The following MTG1 variants were observed in gnomAD, a reference collection of about 807,000 sequenced individuals.
MTG1 encodes mitochondrial ribosome-associated GTPase 1.
In MTG1, 30 loss-of-function variants were observed where a neutral mutation model predicts 39.5. That is an observed-to-expected ratio of 0.76 (90% confidence interval 0.57 to 1.03). MTG1 has a LOEUF of 1.03. Among genes scored for constraint, MTG1 ranks in the 50% least tolerant of loss-of-function variants. The pLI, the probability that MTG1 is intolerant of heterozygous loss-of-function variation, is 0.00. For synonymous variants in MTG1, 217 were observed against 179.0 expected (o/e 1.21, Z -1.69); for missense variants, 513 against 447.4 (o/e 1.15, Z -1.32).
chr10:133,397,779 G>GTTTTTTGTTTTTTTTTTTTT (rs1849808471), intron 3 of MTG1, among the ~76,000 whole-genome samples: 1 of 139,488 alleles, frequency 7.2e-6, no homozygotes, highest in East Asian at 2.1e-4. Context: ...CGTCCAGCCT[G>GTTTTTTGTTTTTTTTTTTTT]TTTTTTTTTT....
At position 133,420,368 on chromosome 10, in the gene MTG1, C is replaced by T. The variant is rs1350255762; in HGVS notation, c.*203C>T. 3 of 544,092 alleles carry T rather than the reference C, an allele frequency of 5.5e-6. No homozygotes were observed. The highest frequency in any genetic ancestry group is 9.3e-6 in the Non-Finnish European group (3 of 321,954). The allele number at this position is 544,092 out of a possible 1,614,324, so 33.7% of individuals were successfully genotyped here. On this transcript the variant is annotated 3_prime_UTR_variant, in exon 11 of 11. Transcript: ENST00000317502. ...AGGTGGGAGTGGACACCAGGCTTCC[C>T]AGTGGACGTCCCTGAGCAGCTCCGC...
At position 133,402,302 on chromosome 10, in the gene MTG1, C is replaced by T. The variant is rs890551229; in HGVS notation, c.670+57C>T. ...GGGACCGGGGCCCCTGCCACCCCAC[C>T]TTTAGGGCTGGCTTTGGCACAGGGC... On this transcript the variant is annotated intron_variant, in intron 8 of 10. Transcript: ENST00000317502. This position sits in a 1 kb window ranked among gnomAD's most constrained non-coding sequence, Gnocchi z 4.7. 6 of 1,600,086 alleles carry T rather than the reference C, an allele frequency of 3.7e-6. No individual in the cohort carries two copies. The African/African-American group carries it at 8.0e-5, about 21-fold the overall frequency.
At chr10:133,414,068 C>T (rs1238767991) in intron 9 of MTG1, among the ~76,000 whole-genome samples, 7 of 149,040 alleles carry the variant, frequency 4.7e-5, no homozygotes, top group African/African-American at 7.6e-5. Flanking sequence ...TGCGACCTTC[C>T]GCAGTGTTTG....
chr10:133,399,262 C>T (rs1849832215), intron 5 of MTG1, 36 bp downstream of exon 5: 6 of 1,610,172 alleles, frequency 3.7e-6, no homozygotes, highest in Middle Eastern at 1.7e-4. Context: ...GAGTGGGAGG[C>T]GGGCGTGGGA....
intron 2 of MTG1, 99 bp downstream of exon 2, chr10:133,395,876 C>T (rs1003949878): frequency 9.9e-6 from 12 of 1,213,560 alleles, no homozygotes; most frequent in Admixed American, 4.0e-5. Context: ...TGCGAGGCCC[C>T]TTTCTAGACC....
chr10:133,398,715 C>T (rs1849824770), intron 4 of MTG1, among the ~76,000 whole-genome samples, 200 bp downstream of exon 4: 1 of 152,200 alleles, frequency 6.6e-6, no homozygotes, highest in Non-Finnish European at 1.5e-5. Flanking sequence ...GCTGTAGACG[C>T]ATTCCAGGGT....
chr10:133,394,188 A>C lies in MTG1; in HGVS notation c.-33A>C. 2.2e-5 allele frequency: 33 copies of C among 1,471,450 alleles called. No homozygotes were observed. The highest frequency in any genetic ancestry group is 3.0e-5 in the Non-Finnish European group (33 of 1,099,358). 91.1% of individuals were successfully genotyped at this position (1,471,450 alleles called of 1,614,324 possible). On this transcript the variant is annotated 5_prime_UTR_variant, in exon 1 of 11. Transcript: ENST00000317502. ...GGGTCGCAGCGGCGCAGAGGAGGTCAGCTGCGGGAGCGTTTCCGGGGACGG... is the reference window on the plus strand; with the variant it reads ...GGGTCGCAGCGGCGCAGAGGAGGTCCGCTGCGGGAGCGTTTCCGGGGACGG...
chr10:133,396,058 T>C, intron 2 of MTG1, 105 bp from the exon 3 acceptor site: 1 of 1,082,100 alleles, frequency 9.2e-7, no homozygotes, highest in Non-Finnish European at 1.4e-6. Context: ...TCTCCTGTAC[T>C]TGAGGAATGA....
rs1303746987 is a variant in MTG1, at chr10:133,394,216, C to T, written c.-5C>T. The T allele has an allele frequency of 2.6e-6, 4 of 1,514,090 alleles. No individual in the cohort carries two copies. The highest frequency in any genetic ancestry group is 1.4e-5 in the African/African-American group (1 of 69,272). The allele number at this position is 1,514,090 out of a possible 1,614,324, so 93.8% of individuals were successfully genotyped here. A position where few individuals can be genotyped will look rare whatever the true frequency, so the allele number is the denominator to read the frequency against. ...TGCGGGAGCGTTTCCGGGGACGGTG[C>T]CGCCATGAGATTGACCCCGCGCGCG... On this transcript the variant is annotated 5_prime_UTR_variant, in exon 1 of 11. Coordinates refer to ENST00000317502, the MANE Select transcript of MTG1 (RefSeq NM_138384.4).
Position 133,397,758 on chromosome 10 carries a change from G to A in MTG1, c.283-677G>A, listed in dbSNP as rs11101738. On this transcript the variant is annotated intron_variant, in intron 3 of 10. Transcript: ENST00000317502. Reference sequence around the variant, plus strand: ...CTCCCAAAGTGCTGGTATTACAGGCGTGAGTCACTGCGTCCAGCCTGTTTT... The same window carrying A: ...CTCCCAAAGTGCTGGTATTACAGGCATGAGTCACTGCGTCCAGCCTGTTTT... Among the ~76,000 whole-genome samples the A allele has an allele frequency of 6.1e-3, 909 of 149,658 alleles. 5 individuals carry two copies. The highest frequency in any genetic ancestry group is 0.011 in the East Asian group (54 of 5,080).
chr10:133,400,412 G>A (rs1464454511), intron 6 of MTG1, among the ~76,000 whole-genome samples: 1 of 152,150 alleles, frequency 6.6e-6, no homozygotes, highest in Non-Finnish European at 1.5e-5. Flanking sequence ...CAGGAGCCCC[G>A]AGCACCCTTC....
chr10:133,407,571 C>CTTT (rs1159757820), intron 9 of MTG1, among the ~76,000 whole-genome samples: 8 of 140,152 alleles, frequency 5.7e-5, no homozygotes, highest in Non-Finnish European at 1.2e-4. Context: ...TTCTTGATTT[C>CTTT]TTTTTTTTTT....
In MTG1 at chr10:133,420,426, C is replaced by T; in HGVS notation, c.*261C>T. ...GTTCTCCCGGAGCTTCCTGCTCAGGCCTCTTGAGAAATGGATGCTGTCTCA... is the reference window on the plus strand; with the variant it reads ...GTTCTCCCGGAGCTTCCTGCTCAGGTCTCTTGAGAAATGGATGCTGTCTCA... On this transcript the variant is annotated 3_prime_UTR_variant, in exon 11 of 11. Coordinates refer to ENST00000317502, the MANE Select transcript of MTG1 (RefSeq NM_138384.4). 1 of 425,002 alleles carries T rather than the reference C, an allele frequency of 2.4e-6. No individual in the cohort carries two copies. Among genetic ancestry groups the T allele is most frequent in the Non-Finnish European group, 4.1e-6 (1 of 241,270 alleles). 26.3% of individuals were successfully genotyped at this position (425,002 alleles called of 1,614,324 possible).
At chr10:133,395,119 G>A (rs1005983159) in intron 1 of MTG1, among the ~76,000 whole-genome samples, 1 of 152,186 alleles carries the variant, frequency 6.6e-6, no homozygotes, top group African/African-American at 2.4e-5. Context: ...GGAAGGGCCC[G>A]GCCCGGTGGC....
At chr10:133,394,891 C>A in intron 1 of MTG1, 1 of 292,646 alleles carries the variant, frequency 3.4e-6, no homozygotes, top group African/African-American at 2.3e-5. Context: ...GTCGGCTCCG[C>A]GTGTACTGGG....
intron 1 of MTG1, among the ~76,000 whole-genome samples, chr10:133,395,146 A>G (rs1849761932): frequency 6.6e-6 from 1 of 152,124 alleles, no homozygotes; most frequent in Admixed American, 6.5e-5. Context: ...TTGTAATCCC[A>G]GTACTTTGGG....
At chr10:133,399,972 C>T (rs934949885) in intron 6 of MTG1, among the ~76,000 whole-genome samples, 4 of 152,190 alleles carry the variant, frequency 2.6e-5, no homozygotes, top group Non-Finnish European at 5.9e-5. Context: ...GCGGGCGGAT[C>T]ATGAGGTCAG....
rs747561455 is a variant in MTG1 at position 133,419,484 on chromosome 10, G to A, written c.757G>A (p.Val253Met). The A allele has an allele frequency of 1.6e-5, 26 of 1,595,952 alleles. No homozygotes were observed. The highest frequency in any genetic ancestry group is 1.9e-5 in the Non-Finnish European group (22 of 1,171,928). ...TGACCTGCAGCCTATGTGCAGGTAC[G>A]TGCAGCACTACGGCCTGGGCAGTGC... is the stretch of plus-strand genomic sequence containing the variant. The part of the protein sequence containing the change: ...TLNKHQRFGY[V>M]QHYGLGSACD... Residue 253 changes from valine (V) to methionine (M), a missense_variant, in exon 10 of 11, where the codon GTG (valine) becomes ATG (methionine). Val to Met is a conservative substitution (Grantham distance 21). Coordinates refer to ENST00000317502, the MANE Select transcript of MTG1 (RefSeq NM_138384.4).
At chr10:133,397,611 C>T (rs969450620) in intron 3 of MTG1, among the ~76,000 whole-genome samples, 4 of 151,810 alleles carry the variant, frequency 2.6e-5, no homozygotes, top group South Asian at 2.1e-4. Context: ...CCTGAGCAGC[C>T]GGGACTACAG....
Sources: allele counts gnomAD v4.1 joint callset (sites outside exome capture counted in the v4.1 genomes callset), GRCh38; gene constraint gnomAD v4.1.1; non-coding constraint Gnocchi (gnomAD v3.1); transcripts MANE v1.5; gene names NCBI Gene and HGNC (gene_info 2026-07-23, HGNC 2026-07-21).